Variants in NLGN1 observed in about 807,000 individuals in gnomAD.
NLGN1 encodes the protein neuroligin 1.
In NLGN1, 12 loss-of-function variants were observed where a neutral mutation model predicts 65.5. The observed-to-expected ratio is 0.18, with a 90% CI of 0.12 to 0.30. The LOEUF is 0.30. Ranked by LOEUF, NLGN1 falls within the 10% of genes least tolerant of loss-of-function variation. NLGN1 has a pLI of 1.00. For synonymous variants in NLGN1, 350 were observed against 359.5 expected (o/e 0.97, Z 0.30); for missense variants, 750 against 1,007.1 (o/e 0.74, Z 3.46).
At chr3:174,177,463 C>A (rs1475925772) in intron 4 of NLGN1, among the ~76,000 whole-genome samples, 1 of 151,860 alleles carries the variant, frequency 6.6e-6, no homozygotes, top group Non-Finnish European at 1.5e-5. Flanking sequence ...TGCTTGATTC[C>A]TCTGTTTGGA....
chr3:174,107,996 G>C (rs1714323047), intron 4 of NLGN1, among the ~76,000 whole-genome samples: 2 of 151,930 alleles, frequency 1.3e-5, no homozygotes, highest in Admixed American at 1.3e-4. Context: ...TTCTTTTACT[G>C]TTGAGTTTTT....
downstream of NLGN1, among the ~76,000 whole-genome samples, chr3:174,289,951 A>ATG (rs201220978): frequency 1.5e-5 from 1 of 65,928 alleles, no homozygotes. Context: ...ATGTATATAT[A>ATG]TGTGTATATA....
intron 1 of NLGN1, among the ~76,000 whole-genome samples, chr3:173,415,939 A>AGCGAGC (rs532760228): frequency 0.015 from 1,815 of 123,046 alleles, 15 homozygotes; most frequent in Middle Eastern, 0.042. Flanking sequence ...AGAGAGAGAG[A>AGCGAGC]GAGAGCTTGG....
At chr3:173,661,918 A>G (rs1760983815) in intron 3 of NLGN1, among the ~76,000 whole-genome samples, 2 of 151,980 alleles carry the variant, frequency 1.3e-5, no homozygotes, top group Non-Finnish European at 2.9e-5. Flanking sequence ...AGCATTTGGA[A>G]CCTTGGCGAA....
At chr3:173,430,064 G>T (rs1000843226) in intron 1 of NLGN1, among the ~76,000 whole-genome samples, 2 of 152,182 alleles carry the variant, frequency 1.3e-5, no homozygotes, top group Non-Finnish European at 2.9e-5. Context: ...TGTTTTTCCT[G>T]TGAAGAAACC....
intron 3 of NLGN1, among the ~76,000 whole-genome samples, chr3:173,619,303 A>C (rs1202687020): frequency 6.6e-6 from 1 of 152,284 alleles, no homozygotes; most frequent in East Asian, 1.9e-4. Context: ...AAAAAAAGAC[A>C]TGTTGTAACT....
At chr3:173,753,107 A>G (rs1056445868) in intron 3 of NLGN1, among the ~76,000 whole-genome samples, 1 of 152,084 alleles carries the variant, frequency 6.6e-6, no homozygotes, top group Non-Finnish European at 1.5e-5. Context: ...CAGCATGTGA[A>G]CATGCTACAG....
At chr3:174,273,809 A>G (rs1429805567) in intron 4 of NLGN1, among the ~76,000 whole-genome samples, 6 of 151,636 alleles carry the variant, frequency 4.0e-5, no homozygotes, top group Non-Finnish European at 7.4e-5. Flanking sequence ...AAGCACTTTC[A>G]TTTCTTCAAA....
intron 4 of NLGN1, among the ~76,000 whole-genome samples, chr3:173,953,836 C>T (rs1748684620): frequency 6.6e-6 from 1 of 152,138 alleles, no homozygotes; most frequent in African/African-American, 2.4e-5. Context: ...AGCCACTGTA[C>T]CTGACTCATT....
intron 3 of NLGN1, among the ~76,000 whole-genome samples, chr3:173,621,341 G>A (rs923704477): frequency 1.3e-5 from 2 of 152,156 alleles, no homozygotes; most frequent in Admixed American, 1.3e-4. Context: ...TAGGGCTTTT[G>A]TCTGGTAAGG....
intron 3 of NLGN1, among the ~76,000 whole-genome samples, chr3:173,764,875 A>C (rs1198556806): frequency 2.6e-5 from 4 of 152,140 alleles, no homozygotes; most frequent in African/African-American, 9.7e-5. Flanking sequence ...CAGTGTACCC[A>C]TCAGACATTT....
intron 4 of NLGN1, among the ~76,000 whole-genome samples, chr3:174,004,757 A>G (rs1012529131): frequency 1.3e-5 from 2 of 152,176 alleles, no homozygotes; most frequent in African/African-American, 2.4e-5. Context: ...TCAGATTAGC[A>G]TCTATTGTTT....
At chr3:173,854,856 A>G (rs1410269824) in intron 4 of NLGN1, among the ~76,000 whole-genome samples, 1 of 152,140 alleles carries the variant, frequency 6.6e-6, no homozygotes, top group African/African-American at 2.4e-5. Context: ...CATTACATCT[A>G]GCGGGTAGAA....
At chr3:173,776,369 T>C (rs1055448766) in intron 3 of NLGN1, among the ~76,000 whole-genome samples, 6 of 152,066 alleles carry the variant, frequency 3.9e-5, no homozygotes, top group African/African-American at 7.2e-5. Context: ...AAATGAACCA[T>C]GGCTTGTTTA....
intron 2 of NLGN1, among the ~76,000 whole-genome samples, chr3:173,442,782 T>G (rs1047833087): frequency 2.0e-5 from 3 of 152,186 alleles, no homozygotes; most frequent in African/African-American, 7.2e-5. Context: ...AATTTAAGGA[T>G]GTTAATAACT....
chr3:173,608,149 A>G (rs1049747878), intron 3 of NLGN1, among the ~76,000 whole-genome samples: 1 of 151,936 alleles, frequency 6.6e-6, no homozygotes, highest in Non-Finnish European at 1.5e-5. Context: ...ATGTTGTTCT[A>G]TAATTTTTAA....
At chr3:173,477,216 G>C (rs929084294) in intron 2 of NLGN1, among the ~76,000 whole-genome samples, 1 of 152,110 alleles carries the variant, frequency 6.6e-6, no homozygotes, top group Non-Finnish European at 1.5e-5. Context: ...ATAGGTGGAA[G>C]GTGAAGCCAT....
intron 4 of NLGN1, among the ~76,000 whole-genome samples, chr3:174,119,054 G>A (rs1045280581): frequency 3.3e-5 from 5 of 152,030 alleles, no homozygotes; most frequent in Admixed American, 1.3e-4. Flanking sequence ...TTTTCTTCGT[G>A]CATAGAACAT....
At chr3:173,699,421 A>C (rs535764818) in intron 3 of NLGN1, among the ~76,000 whole-genome samples, 1 of 152,304 alleles carries the variant, frequency 6.6e-6, no homozygotes, top group African/African-American at 2.4e-5. Context: ...TTTTGACCTA[A>C]ATTTCTAACC....
Sources: allele counts gnomAD v4.1 joint callset (sites outside exome capture counted in the v4.1 genomes callset), GRCh38; gene constraint gnomAD v4.1.1; transcripts MANE v1.5; gene names NCBI Gene and HGNC (gene_info 2026-07-23, HGNC 2026-07-21).